The following MMAA variants were observed in gnomAD, a reference collection of about 807,000 sequenced individuals.
MMAA encodes the protein methylmalonic aciduria type A protein, mitochondrial.
MMAA carries 41 observed loss-of-function variants against 45.0 expected under a neutral mutation model. The ratio of observed to expected loss-of-function variants is 0.91; its 90% CI spans 0.71 to 1.18. MMAA has a LOEUF of 1.18. MMAA is among the 50% of genes most tolerant of loss of function. MMAA has a pLI of 0.00. For missense variants in MMAA, 460 were observed against 495.7 expected, an observed-to-expected ratio of 0.93 and a Z score of 0.68; for synonymous variants, 154 against 178.2, an observed-to-expected ratio of 0.86 and a Z score of 1.08.
chr4:145,646,128 A>T lies in MMAA; in HGVS notation c.705A>T (p.Gly235=). 6.2e-7 allele frequency: 1 copy of T among 1,614,126 alleles called. No individual in the cohort carries two copies. The highest frequency in any genetic ancestry group is 8.5e-7 in the Non-Finnish European group (1 of 1,179,956). Residue 235 remains glycine, a synonymous_variant, in exon 4 of 7, where the codon GGA becomes GGT. Coordinates refer to ENST00000649156, the MANE Select transcript of MMAA (RefSeq NM_172250.3). ...NEAILLCEGA[G]YDIILIETVG... ...CTATTCTGTTGTGTGAAGGAGCGGGATATGACATAATTCTTATTGAAACCG... is the reference window on the plus strand; with the variant it reads ...CTATTCTGTTGTGTGAAGGAGCGGGTTATGACATAATTCTTATTGAAACCG...
intron 1 of MMAA, chr4:145,624,938 T>C: frequency 7.9e-7 from 1 of 1,259,190 alleles, no homozygotes; most frequent in Admixed American, 1.7e-5. Flanking sequence ...GCCCACGTTT[T>C]CCAACTCCAT....
At chr4:145,624,014 T>G in intron 1 of MMAA, 1 of 723,256 alleles carries the variant, frequency 1.4e-6, no homozygotes, top group South Asian at 1.5e-5. Context: ...GATGACTCAC[T>G]TCACTTTACT....
At chr4:145,646,497 T>C (rs1068) in intron 4 of MMAA, 111,204 of 232,398 alleles carry the variant, frequency 0.48, 28,992 homozygotes, top group African/African-American at 0.73. Context: ...ACTGTGTTCA[T>C]CAAGAAAATT....
chr4:145,640,176 G>A (rs1340993985), intron 2 of MMAA, among the ~76,000 whole-genome samples: 3 of 151,220 alleles, frequency 2.0e-5, no homozygotes, highest in Middle Eastern at 3.4e-3. Flanking sequence ...GCGCGATCTC[G>A]GCTCACTGCA....
chr4:145,637,293 C>T (rs964947918), intron 1 of MMAA, among the ~76,000 whole-genome samples: 3 of 152,150 alleles, frequency 2.0e-5, no homozygotes, highest in Non-Finnish European at 4.4e-5. Flanking sequence ...AGTAGACTCC[C>T]TCTTAAAGTT....
chr4:145,652,342 T>G (rs1728116931), intron 5 of MMAA, among the ~76,000 whole-genome samples: 1 of 152,172 alleles, frequency 6.6e-6, no homozygotes, highest in Non-Finnish European at 1.5e-5. Flanking sequence ...GAAGTTGGGT[T>G]GATATCACAT....
chr4:145,630,660 G>A lies in MMAA; in HGVS notation c.-65-8415G>A, dbSNP rs183063893. On this transcript the variant is annotated intron_variant, in intron 1 of 6. Coordinates refer to ENST00000649156, the MANE Select transcript of MMAA (RefSeq NM_172250.3). ...GGAGAATCGCTTGAACCCAGGAGGC[G>A]GAGGTTGTGGTGAGCCGAGATCGCA... is the stretch of plus-strand genomic sequence containing the variant. Among the ~76,000 whole-genome samples, 345 of 152,216 alleles carry A rather than the reference G, an allele frequency of 2.3e-3. 1 individual carries two copies. Among genetic ancestry groups the A allele is most frequent in the Non-Finnish European group, 4.5e-3 (307 of 68,014 alleles).
Position 145,656,994 on chromosome 4 carries a change from G to A in MMAA, c.*1560G>A, listed in dbSNP as rs1466581810. On this transcript the variant is annotated 3_prime_UTR_variant, in exon 7 of 7. Coordinates refer to ENST00000649156, the MANE Select transcript of MMAA (RefSeq NM_172250.3). The stretch of plus-strand genomic sequence containing the variant: ...GGACTACCATTAAACCACCCTATCA[G>A]ACAAAAAAAACTGGTTTTTAGAAAC... 6.6e-6 allele frequency: 1 copy of A among 151,938 alleles called. No homozygotes were observed. Among genetic ancestry groups the A allele is most frequent in the Non-Finnish European group, 1.5e-5 (1 of 67,966 alleles). The allele number at this position is 151,938 out of a possible 1,614,324, so 9.4% of individuals were successfully genotyped here. A position where few individuals can be genotyped will look rare whatever the true frequency, so the allele number is the denominator to read the frequency against.
rs1373647346 is a variant in MMAA at position 145,656,283 on chromosome 4, C to T, written c.*849C>T. On this transcript the variant is annotated 3_prime_UTR_variant, in exon 7 of 7. Coordinates refer to ENST00000649156, the MANE Select transcript of MMAA (RefSeq NM_172250.3). ...TTTCTTGATGGTGAACAAGTTTTGTCCTATGCTATGGAGGAGGCATAGCAC... is the reference window on the plus strand; with the variant it reads ...TTTCTTGATGGTGAACAAGTTTTGTTCTATGCTATGGAGGAGGCATAGCAC... The T allele has an allele frequency of 6.6e-6, 1 of 152,066 alleles. No individual in the cohort carries two copies. The highest frequency in any genetic ancestry group is 1.5e-5 in the Non-Finnish European group (1 of 68,004). 9.4% of individuals were successfully genotyped at this position (152,066 alleles called of 1,614,324 possible).
Position 145,633,196 on chromosome 4 carries a change from CTTTTTT to C in MMAA, c.-65-5863_-65-5858del, listed in dbSNP as rs941603291. 1.6e-4 allele frequency among the ~76,000 whole-genome samples: 14 copies of C among 88,444 alleles called. No individual in the cohort carries two copies. The East Asian group carries it at 2.5e-3, about 15-fold the overall frequency. The allele number at this position is 88,444 out of a possible 152,430, so 58.0% of individuals were successfully genotyped here. ...CTTGTGGTATCTTGAATTTCTTTTT[CTTTTTT>C]TTTTTTTTTTTTTTTGAGATGGAGT... On this transcript the variant is annotated intron_variant, in intron 1 of 6. Transcript: ENST00000649156.
chr4:145,625,291 A>G, intron 1 of MMAA: 1 of 740,420 alleles, frequency 1.4e-6, no homozygotes, highest in Non-Finnish European at 2.5e-6. Context: ...TTCCCCAGAC[A>G]TTAGTAAAGA....
chr4:145,656,429 T>A lies in MMAA; in HGVS notation c.*995T>A, dbSNP rs1728233632. The A allele has an allele frequency of 6.6e-6, 1 of 152,120 alleles. No individual in the cohort carries two copies. Among genetic ancestry groups the A allele is most frequent in the Non-Finnish European group, 1.5e-5 (1 of 68,020 alleles). The allele number at this position is 152,120 out of a possible 1,614,324, so 9.4% of individuals were successfully genotyped here. A position where few individuals can be genotyped will look rare whatever the true frequency, so the allele number is the denominator to read the frequency against. ...AGCTTCCATTTCCTCCCTGGTAAAATGAAATTGGCAAATAACTTTCTAAGG... is the reference window on the plus strand; with the variant it reads ...AGCTTCCATTTCCTCCCTGGTAAAAAGAAATTGGCAAATAACTTTCTAAGG... On this transcript the variant is annotated 3_prime_UTR_variant, in exon 7 of 7. Coordinates refer to ENST00000649156, the MANE Select transcript of MMAA (RefSeq NM_172250.3).
At position 145,656,717 on chromosome 4, in the gene MMAA, C is replaced by T. The variant is rs1451893969; in HGVS notation, c.*1283C>T. ...AATAAAATTTCTAACCATAAAATTT[C>T]GCCATTGCACAAAAAGCCTTTATAG... is the stretch of plus-strand genomic sequence containing the variant. On this transcript the variant is annotated 3_prime_UTR_variant, in exon 7 of 7. Coordinates refer to ENST00000649156, the MANE Select transcript of MMAA (RefSeq NM_172250.3). 9 of 152,124 alleles carry T rather than the reference C, an allele frequency of 5.9e-5. No homozygotes were observed. Among genetic ancestry groups the T allele is most frequent in the Non-Finnish European group, 8.8e-5 (6 of 68,006 alleles). The allele number at this position is 152,124 out of a possible 1,614,324, so 9.4% of individuals were successfully genotyped here.
At chr4:145,652,398 A>C (rs1031074805) in intron 5 of MMAA, among the ~76,000 whole-genome samples, 12 of 152,268 alleles carry the variant, frequency 7.9e-5, no homozygotes, top group African/African-American at 2.9e-4. Context: ...TCTTTCTGCC[A>C]TGGTCAGTCT....
intron 4 of MMAA, among the ~76,000 whole-genome samples, chr4:145,648,080 C>T (rs144696400): frequency 6.7e-6 from 1 of 149,002 alleles, no homozygotes; most frequent in East Asian, 2.0e-4. Context: ...AGGATGGTCT[C>T]GAACTCCTGA....
At chr4:145,636,586 A>T (rs1325365513) in intron 1 of MMAA, among the ~76,000 whole-genome samples, 1 of 152,212 alleles carries the variant, frequency 6.6e-6, no homozygotes, top group African/African-American at 2.4e-5. Flanking sequence ...CTCTGAGATG[A>T]CAGGGAAGAG....
intron 1 of MMAA, chr4:145,625,354 G>A (rs1734179163): frequency 1.0e-5 from 7 of 702,446 alleles, no homozygotes; most frequent in Middle Eastern, 2.5e-4. Flanking sequence ...GCTTTTTGGT[G>A]AGCCAGTCCT....
rs113872289 is a variant in MMAA at position 145,647,843 on chromosome 4, G to GGTTT, written c.733+1712_733+1715dup. On this transcript the variant is annotated intron_variant, in intron 4 of 6. Coordinates refer to ENST00000649156, the MANE Select transcript of MMAA (RefSeq NM_172250.3). Reference sequence around the variant, plus strand: ...GTTTAGAACTTTAACATAGGAATGTGGTTTGTTTGTTTGTTTGTTTGTTTG... The same window carrying GGTTT: ...GTTTAGAACTTTAACATAGGAATGTGGTTTGTTTGTTTGTTTGTTTGTTTGTTTG... 6.4e-3 allele frequency among the ~76,000 whole-genome samples: 980 copies of GGTTT among 151,942 alleles called. 3 individuals carry two copies. The highest frequency in any genetic ancestry group is 0.013 in the African/African-American group (526 of 41,436).
At chr4:145,623,278 C>T (rs140173940) in intron 1 of MMAA, among the ~76,000 whole-genome samples, 360 of 152,240 alleles carry the variant, frequency 2.4e-3, no homozygotes, top group Non-Finnish European at 3.5e-3. Flanking sequence ...CAGGATGCAC[C>T]AATAATCCCT....
Sources: gnomAD v4.1 joint callset for allele counts (sites outside exome capture counted in the v4.1 genomes callset) on GRCh38, gnomAD v4.1.1 for gene constraint, MANE v1.5 for transcripts, NCBI Gene and HGNC (gene_info 2026-07-23, HGNC 2026-07-21) for gene names.